The following TLK1 variants were observed in gnomAD, a reference collection of about 807,000 sequenced individuals.
The protein encoded by TLK1 is serine/threonine-protein kinase tousled-like 1.
A neutral mutation model predicts 105.3 loss-of-function variants in TLK1; 24 were observed. The observed-to-expected ratio is 0.23, with a 90% CI of 0.17 to 0.32. The LOEUF is 0.32. Ranked by LOEUF, TLK1 falls within the 10% of genes least tolerant of loss-of-function variation. The pLI is 1.00. For missense variants in TLK1, 558 were observed against 910.5 expected (o/e 0.61, Z 4.98); for synonymous variants, 321 against 310.4 (o/e 1.03, Z -0.36).
chr2:171,148,241 T>C (rs1326643931), intron 1 of TLK1, among the ~76,000 whole-genome samples: 1 of 152,120 alleles, frequency 6.6e-6, no homozygotes, highest in Non-Finnish European at 1.5e-5. Context: ...GGGGCCTATA[T>C]TGTGTTTTTT....
At chr2:171,223,958 G>A (rs1693854136) in intron 1 of TLK1, among the ~76,000 whole-genome samples, 1 of 151,952 alleles carries the variant, frequency 6.6e-6, no homozygotes, top group African/African-American at 2.4e-5. Flanking sequence ...AGTTTGATGT[G>A]ATCTTATCTG....
intron 1 of TLK1, among the ~76,000 whole-genome samples, chr2:171,202,598 A>T (rs1238410612): frequency 1.3e-5 from 2 of 151,886 alleles, no homozygotes; most frequent in Non-Finnish European, 2.9e-5. Context: ...GTCTACTAAA[A>T]ATACAAAAAT....
In TLK1 at chr2:171,082,859, A is replaced by C. The variant is rs1460951472; in HGVS notation, c.259-7T>G. On this transcript the variant is annotated splice_polypyrimidine_tract_variant and splice_region_variant and intron_variant, in intron 2 of 20. Coordinates refer to ENST00000431350, the MANE Select transcript of TLK1 (RefSeq NM_012290.5). ...TTTCGTTATTTGTTGAGGCCTGTTA[A>C]AGATTTTTTAAAAGGTAAAAATTAG... 3 of 1,594,942 alleles carry C rather than the reference A, an allele frequency of 1.9e-6. No individual in the cohort carries two copies. Among genetic ancestry groups the C allele is most frequent in the Non-Finnish European group, 2.6e-6 (3 of 1,173,660 alleles).
At chr2:171,212,580 G>A (rs1481473544) in intron 1 of TLK1, among the ~76,000 whole-genome samples, 4 of 151,980 alleles carry the variant, frequency 2.6e-5, no homozygotes, top group African/African-American at 9.7e-5. Context: ...TTCCAGCACC[G>A]GCTCCTTTTA....
intron 19 of TLK1, 26 bp downstream of exon 19, chr2:170,997,686 C>G (rs1426950275): frequency 1.3e-6 from 2 of 1,483,904 alleles, no homozygotes; most frequent in South Asian, 2.5e-5. Context: ...CTCTGTAGAG[C>G]TGAAGGCTGG....
chr2:171,138,057 T>G (rs963729552), intron 1 of TLK1, among the ~76,000 whole-genome samples: 1 of 152,026 alleles, frequency 6.6e-6, no homozygotes, highest in African/African-American at 2.4e-5. Flanking sequence ...ACAATAAAAT[T>G]ATTGAGAACT....
At position 171,006,254 on chromosome 2, in the gene TLK1, T is replaced by C; in HGVS notation, c.1797A>G (p.Ala599=). 1 of 1,606,118 alleles carries C rather than the reference T, an allele frequency of 6.2e-7. No individual in the cohort carries two copies. Among genetic ancestry groups the C allele is most frequent in the Non-Finnish European group, 8.5e-7 (1 of 1,177,464 alleles). The change falls in exon 18 of 21, where the codon GCA becomes GCG. Residue 599 remains alanine, a synonymous_variant. Transcript: ENST00000431350. The stretch of plus-strand genomic sequence containing the variant: ...AATCAGTGATTTTGATTTCACCACA[T>C]GCTGTTCCATCTACCAGTAGGATGT... ...PGNILLVDGT[A]CGEIKITDFG... is the part of the protein sequence containing the mutation.
intron 2 of TLK1, among the ~76,000 whole-genome samples, chr2:171,114,849 AG>A (rs1690340812): frequency 6.7e-6 from 1 of 149,362 alleles, no homozygotes; most frequent in Non-Finnish European, 1.5e-5. Context: ...GGAAAAAAAA[AG>A]AAGAAGAAAG....
intron 2 of TLK1, among the ~76,000 whole-genome samples, chr2:171,092,034 C>CTT (rs752839912): frequency 6.8e-6 from 1 of 146,408 alleles, no homozygotes; most frequent in Admixed American, 6.8e-5. Flanking sequence ...GCCCGGCCGT[C>CTT]TTTTTTTTTT....
intron 2 of TLK1, among the ~76,000 whole-genome samples, chr2:171,089,524 C>T (rs532744443): frequency 3.3e-5 from 5 of 152,270 alleles, no homozygotes; most frequent in African/African-American, 7.2e-5. Context: ...TCTATTTTAA[C>T]GATCAACTCT....
At chr2:171,144,356 A>C (rs1303237304) in intron 1 of TLK1, among the ~76,000 whole-genome samples, 2 of 152,182 alleles carry the variant, frequency 1.3e-5, no homozygotes, top group Non-Finnish European at 2.9e-5. Flanking sequence ...CTGCCCAACA[A>C]CACAATACAC....
At chr2:171,112,900 T>C (rs921280855) in intron 2 of TLK1, among the ~76,000 whole-genome samples, 1 of 152,208 alleles carries the variant, frequency 6.6e-6, no homozygotes, top group Non-Finnish European at 1.5e-5. Flanking sequence ...TGTACTTAAA[T>C]AGGATAACCT....
intron 2 of TLK1, among the ~76,000 whole-genome samples, chr2:171,114,677 A>T (rs570395588): frequency 5.3e-4 from 80 of 152,276 alleles, no homozygotes; most frequent in African/African-American, 1.9e-3. Flanking sequence ...ACTACTAAAA[A>T]TACAAAAATT....
At chr2:171,120,669 T>C (rs920573051) in intron 1 of TLK1, among the ~76,000 whole-genome samples, 1 of 152,170 alleles carries the variant, frequency 6.6e-6, no homozygotes, top group African/African-American at 2.4e-5. Context: ...TGTGGAGAAA[T>C]TGGAATCCTT....
intron 1 of TLK1, among the ~76,000 whole-genome samples, chr2:171,193,233 A>T (rs73017295): frequency 0.11 from 16,071 of 152,142 alleles, 1,260 homozygotes; most frequent in African/African-American, 0.22. Flanking sequence ...ACACTTAGAA[A>T]TATCAATACT....
intron 18 of TLK1, among the ~76,000 whole-genome samples, chr2:171,005,813 A>G (rs886404279): frequency 1.1e-4 from 16 of 152,232 alleles, no homozygotes; most frequent in Admixed American, 1.3e-4. Context: ...TTATATTAAC[A>G]TAAGTATTTA....
At chr2:171,016,159 C>T (rs1033694046) in intron 12 of TLK1, among the ~76,000 whole-genome samples, 1 of 152,086 alleles carries the variant, frequency 6.6e-6, no homozygotes, top group Non-Finnish European at 1.5e-5. Flanking sequence ...GTTTCTAGCC[C>T]AATTTCTTTT....
chr2:171,218,451 C>T (rs928624775), intron 1 of TLK1, among the ~76,000 whole-genome samples: 4 of 152,128 alleles, frequency 2.6e-5, no homozygotes, highest in Non-Finnish European at 5.9e-5. Flanking sequence ...GGTTGTACAA[C>T]AATGAAAATG....
At chr2:171,194,329 G>A (rs1693218618) in intron 1 of TLK1, among the ~76,000 whole-genome samples, 1 of 152,102 alleles carries the variant, frequency 6.6e-6, no homozygotes, top group Non-Finnish European at 1.5e-5. Context: ...CACACCTTCA[G>A]AAATAAATTG....
Sources: allele counts gnomAD v4.1 joint callset (sites outside exome capture counted in the v4.1 genomes callset), GRCh38; gene constraint gnomAD v4.1.1; transcripts MANE v1.5; gene names NCBI Gene and HGNC (gene_info 2026-07-23, HGNC 2026-07-21).